Variants in EPB41L4B observed in about 807,000 individuals in gnomAD.
EPB41L4B encodes the protein band 4.1-like protein 4B.
A neutral mutation model predicts 112.5 loss-of-function variants in EPB41L4B; 30 were observed. The observed-to-expected ratio is 0.27, with a 90% CI of 0.20 to 0.36. The LOEUF (loss-of-function observed/expected upper bound fraction) is 0.36. Ranked by LOEUF, EPB41L4B falls within the 10% of genes least tolerant of loss-of-function variation. The probability of loss-of-function intolerance (pLI) is 1.00; values close to 1 mark genes in which losing one functional copy is unlikely to be tolerated. For missense variants in EPB41L4B, 1,024 were observed against 1,133.3 expected, an observed-to-expected ratio of 0.90 and a Z score of 1.38; for synonymous variants, 408 against 439.7, an observed-to-expected ratio of 0.93 and a Z score of 0.90.
intron 12 of EPB41L4B, 42 bp from the exon 13 acceptor site, chr9:109,251,553 T>A (rs762366952): frequency 6.3e-7 from 1 of 1,592,600 alleles, no homozygotes; most frequent in Admixed American, 1.7e-5. Flanking sequence ...TTAGAGAACT[T>A]TATCGCTTTC....
At chr9:109,292,055 T>G (rs1022864669) in intron 1 of EPB41L4B, among the ~76,000 whole-genome samples, 1 of 152,208 alleles carries the variant, frequency 6.6e-6, no homozygotes, top group Non-Finnish European at 1.5e-5. Flanking sequence ...CTATGAGGAC[T>G]GTGTGACCCC....
chr9:109,221,952 C>T (rs1207661994), intron 15 of EPB41L4B, among the ~76,000 whole-genome samples: 6 of 152,132 alleles, frequency 3.9e-5, no homozygotes, highest in Non-Finnish European at 8.8e-5. Flanking sequence ...GAGGTTGTGC[C>T]CAACTCAGGG....
At chr9:109,280,319 T>A (rs1428514992) in intron 1 of EPB41L4B, among the ~76,000 whole-genome samples, 1 of 152,180 alleles carries the variant, frequency 6.6e-6, no homozygotes, top group African/African-American at 2.4e-5. Flanking sequence ...GAAAGAAAGC[T>A]CATCCTCTGA....
chr9:109,300,150 G>C (rs1300706887), intron 1 of EPB41L4B: 1 of 152,276 alleles, frequency 6.6e-6, no homozygotes, highest in Non-Finnish European at 1.5e-5. Context: ...AGTGCCAGAG[G>C]TAAGAAGCTA....
At chr9:109,240,343 GC>G in intron 15 of EPB41L4B, 2 of 985,394 alleles carry the variant, frequency 2.0e-6, no homozygotes, top group South Asian at 9.4e-5. Context: ...GCTCCACTGT[GC>G]AAGGTATGCA....
intron 15 of EPB41L4B, among the ~76,000 whole-genome samples, chr9:109,229,153 G>T (rs1833874520): frequency 6.6e-6 from 1 of 152,152 alleles, no homozygotes; most frequent in Non-Finnish European, 1.5e-5. Flanking sequence ...CTCACTTCAT[G>T]TTCATGATTC....
chr9:109,266,820 T>C (rs1014486073), intron 4 of EPB41L4B, among the ~76,000 whole-genome samples: 10 of 151,820 alleles, frequency 6.6e-5, no homozygotes, highest in Non-Finnish European at 1.5e-4. Context: ...TATATAACAA[T>C]TAGCAGAGTG....
chr9:109,212,915 C>A (rs1279257981), intron 17 of EPB41L4B, among the ~76,000 whole-genome samples: 1 of 152,182 alleles, frequency 6.6e-6, no homozygotes, highest in East Asian at 1.9e-4. Flanking sequence ...AAAAAAGAGT[C>A]ATCAGGCCAA....
chr9:109,279,414 A>T (rs1835951523), intron 2 of EPB41L4B, among the ~76,000 whole-genome samples: 1 of 151,874 alleles, frequency 6.6e-6, no homozygotes. Flanking sequence ...ATGGAGTTTC[A>T]CCTTGTTGCC....
intron 18 of EPB41L4B, among the ~76,000 whole-genome samples, chr9:109,205,268 G>C (rs377310772): frequency 1.3e-5 from 2 of 152,060 alleles, no homozygotes; most frequent in African/African-American, 4.8e-5. Flanking sequence ...CTTTTTTCCT[G>C]CTTTCATGCC....
At chr9:109,274,654 T>C (rs1020249694) in intron 2 of EPB41L4B, among the ~76,000 whole-genome samples, 1 of 152,160 alleles carries the variant, frequency 6.6e-6, no homozygotes, top group Non-Finnish European at 1.5e-5. Flanking sequence ...CTTCCTTCTA[T>C]ATATGTATGT....
chr9:109,211,874 A>G (rs1307331203), intron 17 of EPB41L4B, among the ~76,000 whole-genome samples: 2 of 143,090 alleles, frequency 1.4e-5, no homozygotes, highest in Non-Finnish European at 3.0e-5. Flanking sequence ...CGCCACCACA[A>G]CTTGCTAATT....
At chr9:109,273,646 G>T (rs1011248348) in intron 2 of EPB41L4B, among the ~76,000 whole-genome samples, 3 of 152,168 alleles carry the variant, frequency 2.0e-5, no homozygotes, top group African/African-American at 7.2e-5. Context: ...CACCTCATGT[G>T]TGGCCACAAG....
intron 20 of EPB41L4B, among the ~76,000 whole-genome samples, chr9:109,196,743 T>G (rs1832655075): frequency 1.3e-5 from 2 of 148,432 alleles, no homozygotes; most frequent in Middle Eastern, 3.2e-3. Context: ...AAAAAAGACC[T>G]TTTCGCCTGC....
chr9:109,250,348 C>T (rs995569757), intron 13 of EPB41L4B, among the ~76,000 whole-genome samples: 3 of 152,138 alleles, frequency 2.0e-5, no homozygotes, highest in African/African-American at 4.8e-5. Context: ...CGCTCCACCC[C>T]GTGCCACGTT....
intron 7 of EPB41L4B, among the ~76,000 whole-genome samples, chr9:109,257,799 A>G (rs1256526244): frequency 6.6e-6 from 1 of 152,212 alleles, no homozygotes; most frequent in Non-Finnish European, 1.5e-5. Context: ...GTTTGAGACC[A>G]GCCTAGGCAA....
Position 109,305,777 on chromosome 9 carries a change from G to C in EPB41L4B, c.306+14364C>G, listed in dbSNP as rs574421927. Reference sequence around the variant, plus strand: ...GTCTTTACTAAAAATACAAAAATTAGCTGGGCATGGTGACCCAGTGCCTAT... The same window carrying C: ...GTCTTTACTAAAAATACAAAAATTACCTGGGCATGGTGACCCAGTGCCTAT... On this transcript the variant is annotated intron_variant, in intron 1 of 25. Coordinates refer to ENST00000374566, the MANE Select transcript of EPB41L4B (RefSeq NM_019114.5). Among the ~76,000 whole-genome samples, 13 of 152,114 alleles carry C rather than the reference G, an allele frequency of 8.5e-5. 1 individual carries two copies. The highest frequency in any genetic ancestry group is 3.1e-4 in the African/African-American group (13 of 41,476).
chr9:109,214,816 A>G (rs772439138), intron 16 of EPB41L4B, among the ~76,000 whole-genome samples: 13 of 152,216 alleles, frequency 8.5e-5, no homozygotes, highest in Non-Finnish European at 1.6e-4. Context: ...TTTATCCCAG[A>G]CAGTGAAGAG....
chr9:109,192,296 G>T lies in EPB41L4B; in HGVS notation c.2283C>A (p.Phe761Leu), dbSNP rs374820492. The T allele has an allele frequency of 6.2e-7, 1 of 1,610,404 alleles. No homozygotes were observed. Among genetic ancestry groups the T allele is most frequent in the Non-Finnish European group, 8.5e-7 (1 of 1,178,210 alleles). The stretch of plus-strand genomic sequence containing the variant: ...AGTTTACCAGAGGAGTGGCTTCTGT[G>T]AAATCCATCAGAAGATCACCCGGCT... Reference protein sequence around the residue: ...TLEPGDLLMDFTEATPLAEPA... With the variant: ...TLEPGDLLMDLTEATPLAEPA... The change falls in exon 22 of 26, where the codon TTC (phenylalanine) becomes TTA (leucine). Residue 761 changes from phenylalanine (F) to leucine (L), a missense_variant. Physicochemically the swap from Phe to Leu is conservative, Grantham distance 22 (BLOSUM62 0). Transcript: ENST00000374566.
Sources: allele counts gnomAD v4.1 joint callset (sites outside exome capture counted in the v4.1 genomes callset), GRCh38; gene constraint gnomAD v4.1.1; transcripts MANE v1.5; gene names NCBI Gene and HGNC (gene_info 2026-07-23, HGNC 2026-07-21).